ASAP1: variants seen among roughly 807,000 people sequenced by gnomAD.
ASAP1 encodes arf-GAP with SH3 domain, ANK repeat and PH domain-containing protein 1.
In ASAP1, 43 loss-of-function variants were observed where a neutral mutation model predicts 145.2. The ratio of observed to expected loss-of-function variants is 0.30; its 90% CI spans 0.23 to 0.38. The LOEUF is 0.38. ASAP1 is among the 10% of genes least tolerant of loss of function. The pLI, the probability that ASAP1 is intolerant of heterozygous loss-of-function variation, is 1.00. For synonymous variants in ASAP1, 546 were observed against 515.5 expected, an observed-to-expected ratio of 1.06 and a Z score of -0.80; for missense variants, 1,018 against 1,355.3, an observed-to-expected ratio of 0.75 and a Z score of 3.91.
intron 8 of ASAP1, among the ~76,000 whole-genome samples, chr8:130,179,639 C>T (rs1336181104): frequency 1.3e-5 from 2 of 152,014 alleles, no homozygotes; most frequent in East Asian, 1.9e-4. Context: ...GGATCTCAAA[C>T]GTATAGTTTA....
At chr8:130,311,206 G>T (rs1421833555) in intron 3 of ASAP1, among the ~76,000 whole-genome samples, 4 of 152,170 alleles carry the variant, frequency 2.6e-5, no homozygotes, top group Non-Finnish European at 1.5e-5. Context: ...TTATCTGAGT[G>T]GTGGAATCAT....
At position 130,131,879 on chromosome 8, in the gene ASAP1, C is replaced by T. The variant is rs551567587; in HGVS notation, c.1217+2417G>A. On this transcript the variant is annotated intron_variant, in intron 15 of 29. Coordinates refer to ENST00000518721, the MANE Select transcript of ASAP1 (RefSeq NM_018482.4). ...ATTCTTTTACTGAAAAATGTTAAGT[C>T]TCACGGGCAGGACACCAATCTCTTA... Among the ~76,000 whole-genome samples the T allele has an allele frequency of 3.3e-5, 5 of 152,286 alleles. No homozygotes were observed. The East Asian group carries it at 9.6e-4, about 29-fold the overall frequency.
At chr8:130,153,802 T>TGGG (rs1420515517) in intron 12 of ASAP1, among the ~76,000 whole-genome samples, 1 of 152,136 alleles carries the variant, frequency 6.6e-6, no homozygotes, top group African/African-American at 2.4e-5. Flanking sequence ...CCAAACCTGT[T>TGGG]GGGGGTGGTG....
chr8:130,422,183 T>C (rs1233527399), intron 1 of ASAP1, among the ~76,000 whole-genome samples: 1 of 151,632 alleles, frequency 6.6e-6, no homozygotes, highest in Admixed American at 6.6e-5. Context: ...TGAGCCACAG[T>C]GTGGAGGCCT....
intron 12 of ASAP1, 110 bp downstream of exon 12, chr8:130,159,754 G>T: frequency 1.2e-6 from 1 of 823,252 alleles, no homozygotes; most frequent in African/African-American, 1.7e-5. Flanking sequence ...TGTGCTAAAG[G>T]TCTGCAGCTA....
chr8:130,359,833 C>G (rs1028727299), intron 2 of ASAP1, among the ~76,000 whole-genome samples: 4 of 151,976 alleles, frequency 2.6e-5, no homozygotes, highest in Non-Finnish European at 4.4e-5. Flanking sequence ...CCTTGTTAGC[C>G]AGGATGGTCT....
intron 1 of ASAP1, among the ~76,000 whole-genome samples, chr8:130,428,934 A>G (rs1433421779): frequency 6.6e-6 from 1 of 152,216 alleles, no homozygotes; most frequent in Non-Finnish European, 1.5e-5. Flanking sequence ...CAAAATCAAT[A>G]TATCAGCAGG....
intron 24 of ASAP1, among the ~76,000 whole-genome samples, chr8:130,099,990 C>T (rs890361584): frequency 2.0e-5 from 3 of 152,124 alleles, no homozygotes; most frequent in African/African-American, 7.2e-5. Flanking sequence ...GCAGGTATCC[C>T]TTTAATATAC....
chr8:130,270,468 C>T (rs895084240), intron 3 of ASAP1, among the ~76,000 whole-genome samples: 1 of 152,162 alleles, frequency 6.6e-6, no homozygotes, highest in Non-Finnish European at 1.5e-5. Context: ...AATAACTTCC[C>T]TCATTTAAAA....
intron 2 of ASAP1, among the ~76,000 whole-genome samples, chr8:130,390,744 G>A (rs1369187154): frequency 1.3e-5 from 2 of 152,184 alleles, no homozygotes; most frequent in African/African-American, 4.8e-5. Context: ...TACCTACTAG[G>A]ATGGCTACTA....
At chr8:130,309,708 A>T (rs1370146509) in intron 3 of ASAP1, among the ~76,000 whole-genome samples, 1 of 152,206 alleles carries the variant, frequency 6.6e-6, no homozygotes, top group East Asian at 1.9e-4. Context: ...TATTTCATTC[A>T]TGGCTAGGGG....
rs770825887 is a variant in ASAP1 at position 130,167,587 on chromosome 8, T to A, written c.858A>T (p.Leu286=). The A allele has an allele frequency of 1.2e-6, 2 of 1,613,542 alleles. No individual in the cohort carries two copies. The highest frequency in any genetic ancestry group is 1.7e-6 in the Non-Finnish European group (2 of 1,179,508). The stretch of plus-strand genomic sequence containing the variant: ...ATTTTATTAAGTCTCGGAGTGCAGT[T>A]AGCTGTTTCTTTTCTTCATCCTGGG... ...KQTQDEEKKQ[L]TALRDLIKSS... Residue 286 remains leucine, a synonymous_variant, in exon 11 of 30, where the codon CTA becomes CTT. Transcript: ENST00000518721.
intron 3 of ASAP1, among the ~76,000 whole-genome samples, chr8:130,263,951 C>T (rs186163745): frequency 6.1e-5 from 9 of 147,460 alleles, no homozygotes; most frequent in Non-Finnish European, 1.0e-4. Context: ...CACACACATT[C>T]TTCTTGCCAC....
intron 3 of ASAP1, among the ~76,000 whole-genome samples, chr8:130,279,726 AG>A (rs1821142662): frequency 6.6e-6 from 1 of 152,236 alleles, no homozygotes; most frequent in African/African-American, 2.4e-5. Context: ...AGAAAGAGTT[AG>A]CAATGTAGTA....
intron 13 of ASAP1, among the ~76,000 whole-genome samples, chr8:130,146,771 G>A (rs2097631919): frequency 6.6e-6 from 1 of 152,190 alleles, no homozygotes; most frequent in South Asian, 2.1e-4. Flanking sequence ...CCAAAGGAAA[G>A]GGAGAAGAGA....
intron 27 of ASAP1, among the ~76,000 whole-genome samples, chr8:130,072,824 T>TGTGTGCGTGTGCGCGC: frequency 3.1e-5 from 1 of 32,282 alleles, no homozygotes; most frequent in Admixed American, 3.6e-4. Context: ...TGTGTGTGTG[T>TGTGTGCGTGTGCGCGC]GCGCGCGGGG....
intron 7 of ASAP1, among the ~76,000 whole-genome samples, chr8:130,185,972 C>T (rs1366412619): frequency 4.6e-5 from 7 of 152,138 alleles, no homozygotes; most frequent in Non-Finnish European, 1.5e-5. Context: ...GCACATATTA[C>T]ATCATGTTTC....
At chr8:130,368,260 A>G (rs1827053524) in intron 2 of ASAP1, among the ~76,000 whole-genome samples, 1 of 152,144 alleles carries the variant, frequency 6.6e-6, no homozygotes, top group Admixed American at 6.5e-5. Context: ...ATATCATATT[A>G]TTTTCATGAA....
At chr8:130,322,698 A>G (rs1340050964) in intron 3 of ASAP1, among the ~76,000 whole-genome samples, 2 of 152,230 alleles carry the variant, frequency 1.3e-5, no homozygotes, top group East Asian at 3.8e-4. Flanking sequence ...GCAAATCCTC[A>G]TGCTAGGGAT....
Sources: gnomAD v4.1 joint callset for allele counts (sites outside exome capture counted in the v4.1 genomes callset) on GRCh38, gnomAD v4.1.1 for gene constraint, MANE v1.5 for transcripts, NCBI Gene and HGNC (gene_info 2026-07-23, HGNC 2026-07-21) for gene names.